MYH1: variants seen among roughly 807,000 people sequenced by gnomAD.
MYH1 encodes the protein myosin-1.
In MYH1, 214 loss-of-function variants were observed where a neutral mutation model predicts 225.6. That is an observed-to-expected ratio of 0.95 (90% CI 0.85 to 1.06). MYH1 has a LOEUF of 1.06. MYH1 is among the 50% of genes least tolerant of loss of function. MYH1 has a pLI of 0.00. For missense variants in MYH1, 2,098 were observed against 2,344.2 expected, an observed-to-expected ratio of 0.89 and a Z score of 2.17; for synonymous variants, 774 against 842.3, an observed-to-expected ratio of 0.92 and a Z score of 1.40.
chr17:10,516,500 A>T lies in MYH1; in HGVS notation c.143T>A (p.Val48Glu), dbSNP rs1174712504. ...VFVVDPKESFVKATVQSREGG... is the reference protein window; with the variant it reads ...VFVVDPKESFEKATVQSREGG... ...TTCCCTGCTCTGCACTGTTGCTTTC[A>T]CAAAGGACTCCTTAGGGTCCACCAC... The change falls in exon 3 of 40, where the codon GTG (valine) becomes GAG (glutamate). Residue 48 changes from valine to glutamate, a missense_variant. Val to Glu is a moderately radical substitution (Grantham distance 121). Transcript: ENST00000226207. The T allele has an allele frequency of 6.2e-7, 1 of 1,614,030 alleles. No homozygotes were observed. The highest frequency in any genetic ancestry group is 8.5e-7 in the Non-Finnish European group (1 of 1,180,046).
chr17:10,514,680 G>A (rs1480647801), intron 6 of MYH1, among the ~76,000 whole-genome samples, 188 bp downstream of exon 6: 3 of 152,192 alleles, frequency 2.0e-5, no homozygotes, highest in Non-Finnish European at 4.4e-5. Context: ...CAGCAAATGA[G>A]GTGATTTAGA....
At chr17:10,516,125 G>A (rs1379099229) in intron 4 of MYH1, 43 bp from the exon 5 acceptor site, 1 of 1,613,146 alleles carries the variant, frequency 6.2e-7, no homozygotes, top group Non-Finnish European at 8.5e-7. Flanking sequence ...ATTTGATGGG[G>A]ACCTTAATCA....
chr17:10,512,822 A>C, intron 10 of MYH1, 38 bp from the exon 11 acceptor site: 1 of 1,608,416 alleles, frequency 6.2e-7, no homozygotes, highest in Non-Finnish European at 8.5e-7. Context: ...TTTACATTAG[A>C]AGATAGTACA....
At chr17:10,516,798 T>G (rs1429958399) in intron 2 of MYH1, 116 bp from the exon 3 acceptor site, 1 of 827,562 alleles carries the variant, frequency 1.2e-6, no homozygotes, top group Non-Finnish European at 1.8e-6. Flanking sequence ...GCATTGGGTA[T>G]GACCACCTCC....
chr17:10,509,948 G>A (rs753675539), intron 14 of MYH1, among the ~76,000 whole-genome samples: 1 of 152,130 alleles, frequency 6.6e-6, no homozygotes, highest in Non-Finnish European at 1.5e-5. Flanking sequence ...AATACTGTAT[G>A]TTCTCACATA....
chr17:10,506,132 A>T (rs1407559812), intron 17 of MYH1, 33 bp from the exon 18 acceptor site: 1 of 1,612,040 alleles, frequency 6.2e-7, no homozygotes, highest in South Asian at 1.1e-5. Context: ...ACTTTAAAAA[A>T]TGTACTGTTT....
intron 39 of MYH1, among the ~76,000 whole-genome samples, chr17:10,493,571 GT>G (rs1203161335): frequency 6.6e-6 from 1 of 152,138 alleles, no homozygotes; most frequent in Non-Finnish European, 1.5e-5. Flanking sequence ...GACCTTCTGA[GT>G]TTCAGAATCT....
At chr17:10,498,553 T>G (rs960377355) in intron 30 of MYH1, 73 bp downstream of exon 30, 13 of 1,596,288 alleles carry the variant, frequency 8.1e-6, no homozygotes, top group Non-Finnish European at 1.1e-5. Flanking sequence ...CCAGAATGTT[T>G]TTTCCCTAGT....
At position 10,508,445 on chromosome 17, in the gene MYH1, A is replaced by G; in HGVS notation, c.1815T>C (p.Asn605=). 6.2e-7 allele frequency: 1 copy of G among 1,614,138 alleles called. No individual in the cohort carries two copies. The highest frequency in any genetic ancestry group is 1.1e-5 in the South Asian group (1 of 91,080). Reference sequence around the variant, plus strand: ...TCTGGTACAGCCCCACCACAGTCTCATTCAGGGGGTCCTTGTTCTTGTCAA... The same window carrying G: ...TCTGGTACAGCCCCACCACAGTCTCGTTCAGGGGGTCCTTGTTCTTGTCAA... ...GWLDKNKDPL[N]ETVVGLYQKS... is the part of the protein sequence containing the mutation. Residue 605 remains asparagine, a synonymous_variant, in exon 16 of 40, where the codon AAT becomes AAC. Coordinates refer to ENST00000226207, the MANE Select transcript of MYH1 (RefSeq NM_005963.4).
At position 10,498,653 on chromosome 17, in the gene MYH1, T is replaced by C. The variant is rs760849655; in HGVS notation, c.4154A>G (p.Gln1385Arg). The change falls in exon 30 of 40, where the codon CAG (glutamine) becomes CGG (arginine). Residue 1385 changes from glutamine (Q) to arginine (R), a missense_variant. Gln to Arg is a conservative substitution (Grantham distance 43, BLOSUM62 1). Coordinates refer to ENST00000226207, the MANE Select transcript of MYH1 (RefSeq NM_005963.4). ...GGCCTCCTCCAGCTCCTCTGTGCGC[T>C]GGATGGCATCTGTCTCATATTTGGT... ...WRTKYETDAI[Q>R]RTEELEEAKK... 2.2e-5 allele frequency: 36 copies of C among 1,613,916 alleles called. No individual in the cohort carries two copies. The highest frequency in any genetic ancestry group is 3.3e-5 in the Admixed American group (2 of 59,998).
At position 10,506,127 on chromosome 17, in the gene MYH1, A is replaced by T. The variant is rs2073110389; in HGVS notation, c.1969-28T>A. 7 of 1,612,504 alleles carry T rather than the reference A, an allele frequency of 4.3e-6. No homozygotes were observed. In the South Asian group the frequency reaches 4.4e-5, roughly 10 times the overall value. Reference sequence around the variant, plus strand: ...GTGGAACCATGCGAGTTTATACTTTAAAAAATGTACTGTTTTCTACATTCA... The same window carrying T: ...GTGGAACCATGCGAGTTTATACTTTTAAAAATGTACTGTTTTCTACATTCA... On this transcript the variant is annotated intron_variant, in intron 17 of 39. Coordinates refer to ENST00000226207, the MANE Select transcript of MYH1 (RefSeq NM_005963.4).
rs766914111 is a variant in MYH1, at chr17:10,501,281, A to C, written c.3567T>G (p.His1189Gln). The change falls in exon 27 of 40, where the codon CAT becomes CAG. Residue 1189 changes from histidine (H) to glutamine (Q), a missense_variant. By Grantham distance (24) the His-to-Gln change is conservative. Coordinates refer to ENST00000226207, the MANE Select transcript of MYH1 (RefSeq NM_005963.4). ...TCCTCAGGGTGGCCGCCGTGGCTTC[A>C]TGCTGTAGGGTGGCCTCCTCCAGGT... The part of the protein sequence containing the change: ...RRDLEEATLQ[H>Q]EATAATLRKK... 6.2e-7 allele frequency: 1 copy of C among 1,614,170 alleles called. No homozygotes were observed. Among genetic ancestry groups the C allele is most frequent in the Non-Finnish European group, 8.5e-7 (1 of 1,180,026 alleles).
intron 22 of MYH1, among the ~76,000 whole-genome samples, chr17:10,503,817 T>C (rs893283213): frequency 1.3e-5 from 2 of 152,226 alleles, no homozygotes; most frequent in Non-Finnish European, 2.9e-5. Context: ...CAATATTTAT[T>C]AGTGGATAGT....
Position 10,496,261 on chromosome 17 carries a change from T to C in MYH1, c.4945A>G (p.Asn1649Asp). The C allele has an allele frequency of 6.2e-7, 1 of 1,614,150 alleles. No homozygotes were observed. The highest frequency in any genetic ancestry group is 8.5e-7 in the Non-Finnish European group (1 of 1,180,026). ...MAAEALRNYRNTQAILKDTQL... is the reference protein window; with the variant it reads ...MAAEALRNYRDTQAILKDTQL... Reference sequence around the variant, plus strand: ...TTTACCTTGAGGATGGCTTGGGTGTTCCTATAGTTCCTCAGGGCCTCAGCA... The same window carrying C: ...TTTACCTTGAGGATGGCTTGGGTGTCCCTATAGTTCCTCAGGGCCTCAGCA... Residue 1649 changes from asparagine to aspartate, a missense_variant, in exon 34 of 40, where the codon AAC (asparagine) becomes GAC (aspartate). Physicochemically the swap from Asn to Asp is conservative, Grantham distance 23. Coordinates refer to ENST00000226207, the MANE Select transcript of MYH1 (RefSeq NM_005963.4).
chr17:10,514,432 G>GA (rs1467429675), intron 6 of MYH1, among the ~76,000 whole-genome samples: 1 of 152,226 alleles, frequency 6.6e-6, no homozygotes, highest in African/African-American at 2.4e-5. Flanking sequence ...CAATTAGTAG[G>GA]AAACTCTATG....
chr17:10,496,600 T>C, intron 33 of MYH1, 51 bp from the exon 34 acceptor site: 1 of 1,610,404 alleles, frequency 6.2e-7, no homozygotes, highest in Non-Finnish European at 8.5e-7. Flanking sequence ...GTGTGTAGTA[T>C]TCTAGAGATA....
intron 3 of MYH1, 48 bp downstream of exon 3, chr17:10,516,391 A>C (rs2073229504): frequency 6.2e-7 from 1 of 1,614,062 alleles, no homozygotes; most frequent in African/African-American, 1.3e-5. Context: ...GTGCTAACTT[A>C]ACCCAAAATG....
chr17:10,494,681 A>T lies in MYH1; in HGVS notation c.5467-8T>A, dbSNP rs771805171. 6.2e-7 allele frequency: 1 copy of T among 1,613,326 alleles called. No homozygotes were observed. Among genetic ancestry groups the T allele is most frequent in the South Asian group, 1.1e-5 (1 of 90,910 alleles). ...ACCTTCAAGTTCACGAACCTACAAG[A>T]AGATGGACATTTTAAGGACATTCAT... On this transcript the variant is annotated splice_polypyrimidine_tract_variant and splice_region_variant and intron_variant, in intron 37 of 39. Transcript: ENST00000226207.
chr17:10,506,808 T>C (rs1305563455), intron 17 of MYH1, among the ~76,000 whole-genome samples: 1 of 152,184 alleles, frequency 6.6e-6, no homozygotes, highest in African/African-American at 2.4e-5. Context: ...CACTTCTTTC[T>C]TTACCTGACT....
Sources: gnomAD v4.1 joint callset for allele counts (sites outside exome capture counted in the v4.1 genomes callset) on GRCh38, gnomAD v4.1.1 for gene constraint, MANE v1.5 for transcripts, NCBI Gene and HGNC (gene_info 2026-07-23, HGNC 2026-07-21) for gene names.